PSMC1: variants seen among roughly 807,000 people sequenced by gnomAD.
PSMC1 encodes the protein 26S proteasome regulatory subunit 4.
In PSMC1, 5 loss-of-function variants were observed where a neutral mutation model predicts 49.8. The ratio of observed to expected loss-of-function variants is 0.10; its 90% CI spans 0.05 to 0.21. The LOEUF (loss-of-function observed/expected upper bound fraction) is 0.21. PSMC1 is among the 10% of genes least tolerant of loss of function. The pLI, the probability that PSMC1 is intolerant of heterozygous loss-of-function variation, is 1.00. For missense variants in PSMC1, 181 were observed against 535.7 expected (o/e 0.34, Z 6.54); for synonymous variants, 155 against 192.1 (o/e 0.81, Z 1.60).
chr14:90,268,525 G>A, intron 8 of PSMC1, 112 bp downstream of exon 8: 3 of 1,075,642 alleles, frequency 2.8e-6, no homozygotes, highest in Non-Finnish European at 4.1e-6. Flanking sequence ...TTCTTGCTGT[G>A]CGTGGCCTTC....
At chr14:90,259,092 G>A (rs1891348334) in intron 1 of PSMC1, 68 bp from the exon 2 acceptor site, 3 of 1,498,340 alleles carry the variant, frequency 2.0e-6, no homozygotes, top group Non-Finnish European at 2.8e-6. Flanking sequence ...TCACAGGACA[G>A]TATAAAGTTA....
intron 1 of PSMC1, 136 bp downstream of exon 1, chr14:90,256,736 C>T: frequency 3.6e-6 from 5 of 1,398,140 alleles, no homozygotes; most frequent in South Asian, 1.2e-5. Flanking sequence ...ATCTTCTCGG[C>T]GGGTGGAGGC....
intron 3 of PSMC1, 150 bp from the exon 4 acceptor site, chr14:90,263,168 A>G (rs1478763751): frequency 2.7e-6 from 2 of 735,942 alleles, no homozygotes; most frequent in East Asian, 6.5e-5. Flanking sequence ...TCCCCTTTCC[A>G]TTTTGGCACC....
intron 3 of PSMC1, among the ~76,000 whole-genome samples, chr14:90,261,144 G>A (rs1219978011): frequency 6.6e-6 from 1 of 152,118 alleles, no homozygotes; most frequent in Non-Finnish European, 1.5e-5. Flanking sequence ...CGGTCACACT[G>A]CCTGCCTTAT....
intron 10 of PSMC1, chr14:90,271,292 A>G (rs1891654945): frequency 6.6e-6 from 1 of 152,218 alleles, no homozygotes; most frequent in Non-Finnish European, 1.5e-5. Flanking sequence ...CACAGTAATT[A>G]CTGGCCAAAA....
rs1891701115 is a variant in PSMC1 at position 90,272,682 on chromosome 14, G to T, written c.*275G>T. 1 of 285,100 alleles carries T rather than the reference G, an allele frequency of 3.5e-6. No homozygotes were observed. The highest frequency in any genetic ancestry group is 2.2e-5 in the African/African-American group (1 of 44,526). 17.7% of individuals were successfully genotyped at this position (285,100 alleles called of 1,614,324 possible). On this transcript the variant is annotated 3_prime_UTR_variant, in exon 11 of 11. Coordinates refer to ENST00000261303, the MANE Select transcript of PSMC1 (RefSeq NM_002802.3). This position sits in a 1 kb window ranked among gnomAD's most constrained non-coding sequence, Gnocchi z 4.5. ...ACCGCTCAACAGCAGCCTGTGGGTG[G>T]ACCCAGCTACAGGGAAGCCTTTGGA...
At chr14:90,263,288 A>G (rs2139645268) in intron 3 of PSMC1, 30 bp from the exon 4 acceptor site, 1 of 1,575,850 alleles carries the variant, frequency 6.3e-7, no homozygotes, top group South Asian at 1.2e-5. Context: ...CAGGGTCCAC[A>G]TATAATGAAA....
rs760544734 is a variant in PSMC1 at position 90,263,858 on chromosome 14, A to ATC, written c.465+11_465+12insTC. On this transcript the variant is annotated intron_variant, in intron 5 of 10. Transcript: ENST00000261303. ...CTGCTCAACCACAAGGTGAGGTGAT[A>ATC]GTCTTTTTCAGAAAGCCCACGGAAG... 3 of 1,613,782 alleles carry ATC rather than the reference A, an allele frequency of 1.9e-6. No homozygotes were observed. In the African/African-American group the frequency reaches 4.0e-5, roughly 22 times the overall value.
At chr14:90,259,105 C>T in intron 1 of PSMC1, 55 bp from the exon 2 acceptor site, 1 of 1,560,856 alleles carries the variant, frequency 6.4e-7, no homozygotes, top group Non-Finnish European at 8.8e-7. Context: ...TAAAGTTATT[C>T]TTTTGAAGTG....
rs1206804886 is a variant in PSMC1, at chr14:90,274,695, G to A, written c.*2288G>A. 6.6e-6 allele frequency: 1 copy of A among 152,008 alleles called. No homozygotes were observed. Among genetic ancestry groups the A allele is most frequent in the Non-Finnish European group, 1.5e-5 (1 of 68,086 alleles). The allele number at this position is 152,008 out of a possible 1,614,324, so 9.4% of individuals were successfully genotyped here. A position where few individuals can be genotyped will look rare whatever the true frequency, so the allele number is the denominator to read the frequency against. On this transcript the variant is annotated 3_prime_UTR_variant, in exon 11 of 11. Transcript: ENST00000261303. ...CTAAGGACACCGAAGCCTATGTGAAGGGGCTTCCACTGGCCAAACTCGGGA... is the reference window on the plus strand; with the variant it reads ...CTAAGGACACCGAAGCCTATGTGAAAGGGCTTCCACTGGCCAAACTCGGGA...
Position 90,265,051 on chromosome 14 carries a change from T to C in PSMC1, c.595-19T>C, listed in dbSNP as rs1469966749. The C allele has an allele frequency of 6.4e-7, 1 of 1,553,444 alleles. No individual in the cohort carries two copies. The highest frequency in any genetic ancestry group is 8.9e-7 in the Non-Finnish European group (1 of 1,127,796). On this transcript the variant is annotated intron_variant, in intron 6 of 10. Transcript: ENST00000261303. ...CTAATAATTTCAGTAAAGCCTTTCA[T>C]TCATACTGTTTTTCATAGGAATCTG...
In PSMC1 at chr14:90,274,441, CAGAA is replaced by C. The variant is rs567474150; in HGVS notation, c.*2039_*2042del. On this transcript the variant is annotated 3_prime_UTR_variant, in exon 11 of 11. Coordinates refer to ENST00000261303, the MANE Select transcript of PSMC1 (RefSeq NM_002802.3). ...CCAGGTTTCTCTGAGGAGTTAGACA[CAGAA>C]AGAAGAAAACAAGAACGACCTCTGT... 2.0e-3 allele frequency: 298 copies of C among 152,806 alleles called. 2 individuals are homozygous for C. Among genetic ancestry groups the C allele is most frequent in the Non-Finnish European group, 3.0e-3 (203 of 68,204 alleles). 9.5% of individuals were successfully genotyped at this position (152,806 alleles called of 1,614,324 possible).
chr14:90,267,173 A>AGG (rs1001685773), intron 7 of PSMC1, among the ~76,000 whole-genome samples: 1 of 146,450 alleles, frequency 6.8e-6, no homozygotes, highest in African/African-American at 2.5e-5. Flanking sequence ...TCTGTCGCCC[A>AGG]GGCTGGAGTG....
At position 90,274,420 on chromosome 14, in the gene PSMC1, G is replaced by A. The variant is rs2139656717; in HGVS notation, c.*2013G>A. 6.5e-6 allele frequency: 1 copy of A among 153,866 alleles called. No homozygotes were observed. The highest frequency in any genetic ancestry group is 2.1e-4 in the South Asian group (1 of 4,852). 9.5% of individuals were successfully genotyped at this position (153,866 alleles called of 1,614,324 possible). A position where few individuals can be genotyped will look rare whatever the true frequency, so the allele number is the denominator to read the frequency against. On this transcript the variant is annotated 3_prime_UTR_variant, in exon 11 of 11. Coordinates refer to ENST00000261303, the MANE Select transcript of PSMC1 (RefSeq NM_002802.3). ...AGGTAAACAGGACAGTGGGAGCCAG[G>A]TTTCTCTGAGGAGTTAGACACAGAA...
intron 9 of PSMC1, 88 bp downstream of exon 9, chr14:90,269,636 A>AT (rs1566675405): frequency 7.0e-7 from 1 of 1,434,162 alleles, no homozygotes; most frequent in Admixed American, 2.1e-5. Context: ...AAAATGATAC[A>AT]TAAAAAAGCA....
At chr14:90,263,242 T>G in intron 3 of PSMC1, 76 bp from the exon 4 acceptor site, 1 of 1,451,598 alleles carries the variant, frequency 6.9e-7, no homozygotes, top group Non-Finnish European at 9.3e-7. Context: ...TGAGCGTATT[T>G]TAAAATCTTA....
chr14:90,260,729 C>T (rs866965353), intron 3 of PSMC1, among the ~76,000 whole-genome samples: 1 of 151,722 alleles, frequency 6.6e-6, no homozygotes, highest in Admixed American at 6.6e-5. Context: ...GAGACTCCGT[C>T]TCAAAAAAGA....
chr14:90,262,989 A>G (rs1404514120), intron 3 of PSMC1, among the ~76,000 whole-genome samples: 1 of 152,210 alleles, frequency 6.6e-6, no homozygotes, highest in Non-Finnish European at 1.5e-5. Context: ...GTAACTTTTT[A>G]TTAGTACCTA....
chr14:90,273,864 T>A lies in PSMC1; in HGVS notation c.*1457T>A. 1 of 155,078 alleles carries A rather than the reference T, an allele frequency of 6.4e-6. No homozygotes were observed. Among genetic ancestry groups the A allele is most frequent in the Middle Eastern group, 5.2e-4 (1 of 1,926 alleles). The allele number at this position is 155,078 out of a possible 1,614,324, so 9.6% of individuals were successfully genotyped here. ...TTTCCACCAGCAGCAGCAGGCCCAG[T>A]CCCTCTCTCCCACCGACCCTTCTTT... On this transcript the variant is annotated 3_prime_UTR_variant, in exon 11 of 11. Coordinates refer to ENST00000261303, the MANE Select transcript of PSMC1 (RefSeq NM_002802.3).
Sources: allele counts gnomAD v4.1 joint callset (sites outside exome capture counted in the v4.1 genomes callset), GRCh38; gene constraint gnomAD v4.1.1; non-coding constraint Gnocchi (gnomAD v3.1); transcripts MANE v1.5; gene names NCBI Gene and HGNC (gene_info 2026-07-23, HGNC 2026-07-21).